The following PGBD2 variants were observed in gnomAD, a reference collection of about 807,000 sequenced individuals.
PGBD2 encodes piggyBac transposable element-derived protein 2.
Under a neutral mutation model 8.1 loss-of-function variants are expected in PGBD2, and 6 were observed. The ratio of observed to expected loss-of-function variants is 0.74; its 90% CI spans 0.40 to 1.46. The LOEUF (loss-of-function observed/expected upper bound fraction) is 1.46, where lower values mean the gene tolerates loss of function less well. Ranked by LOEUF, PGBD2 falls within the 40% of genes most tolerant of loss-of-function variation. The pLI, the probability that PGBD2 is intolerant of heterozygous loss-of-function variation, is 0.02. For missense variants in PGBD2, 802 were observed against 739.0 expected (o/e 1.09, Z -0.99); for synonymous variants, 318 against 272.2 (o/e 1.17, Z -1.66).
chr1:248,920,156 T>A (rs1340289449), downstream of PGBD2, among the ~76,000 whole-genome samples: 1 of 152,092 alleles, frequency 6.6e-6, no homozygotes, highest in Non-Finnish European at 1.5e-5. Flanking sequence ...CTTTTTTTTT[T>A]CTTAATTATA....
At chr1:248,929,149 T>C in the PGBD2 span, among the ~76,000 whole-genome samples, 3 of 152,254 alleles carry the variant, frequency 2.0e-5, no homozygotes, top group Non-Finnish European at 4.4e-5. Flanking sequence ...CTATGCTATA[T>C]GTGCCTCTGG....
chr1:248,873,522 T>G, the PGBD2 span, among the ~76,000 whole-genome samples: 32 of 152,348 alleles, frequency 2.1e-4, no homozygotes, highest in East Asian at 6.2e-3. Flanking sequence ...AGTAACTGCT[T>G]GCCAGAGTTT....
chr1:248,929,119 G>A, the PGBD2 span, among the ~76,000 whole-genome samples: 2 of 152,086 alleles, frequency 1.3e-5, no homozygotes, highest in African/African-American at 4.8e-5. Flanking sequence ...TTAATATAAG[G>A]GAGAAATGTT....
the PGBD2 span, among the ~76,000 whole-genome samples, chr1:248,925,621 CAG>C: frequency 6.8e-6 from 1 of 146,198 alleles, no homozygotes; most frequent in African/African-American, 2.6e-5. Flanking sequence ...AATAAGTTCA[CAG>C]AGGCCAAAGT....
At chr1:248,924,523 A>G (rs189186740), downstream of PGBD2, among the ~76,000 whole-genome samples, 36 of 152,298 alleles carry the variant, frequency 2.4e-4, no homozygotes, top group African/African-American at 7.5e-4. Context: ...AATCACTAAA[A>G]GATAGAAAAA....
chr1:248,909,128 T>C (rs1453090741), intron 1 of PGBD2, among the ~76,000 whole-genome samples: 1 of 152,098 alleles, frequency 6.6e-6, no homozygotes, highest in East Asian at 1.9e-4. Context: ...CCTTTGTGAG[T>C]TTGCTTGGTA....
chr1:248,927,408 T>A, the PGBD2 span, among the ~76,000 whole-genome samples: 3 of 152,196 alleles, frequency 2.0e-5, no homozygotes, highest in Admixed American at 6.5e-5. Context: ...GGTAGAGTTG[T>A]GATTCTATGC....
In PGBD2 at chr1:248,917,102, G is replaced by A. The variant is rs1377254371; in HGVS notation, c.518G>A (p.Ser173Asn). The change falls in exon 3 of 3, where the codon AGT (serine) becomes AAT (asparagine). Residue 173 changes from serine to asparagine, a missense_variant. By Grantham distance (46) the Ser-to-Asn change is conservative. Coordinates refer to ENST00000329291, the MANE Select transcript of PGBD2 (RefSeq NM_170725.3). ...GCTTGGCAGAAAAATGTCAATTTGA[G>A]TCTTACGGCTCAGGAATTGAAGTGT... ...RYAWQKNVNL[S>N]LTAQELKCVL... 1.2e-6 allele frequency: 2 copies of A among 1,614,034 alleles called. No homozygotes were observed. Among genetic ancestry groups the A allele is most frequent in the Non-Finnish European group, 1.7e-6 (2 of 1,180,010 alleles).
intron 1 of PGBD2, among the ~76,000 whole-genome samples, chr1:248,910,390 G>A (rs1425873205): frequency 6.6e-6 from 1 of 152,184 alleles, no homozygotes; most frequent in East Asian, 1.9e-4. Flanking sequence ...TGGGAATCCA[G>A]GCCTGTTGTG....
At chr1:248,892,382 C>T in the PGBD2 span, among the ~76,000 whole-genome samples, 14 of 151,124 alleles carry the variant, frequency 9.3e-5, no homozygotes, top group Admixed American at 2.0e-4. Flanking sequence ...GACGATGTAA[C>T]GGTCATAGAG....
chr1:248,906,707 G>T (rs1197384295), intron 1 of PGBD2, among the ~76,000 whole-genome samples: 2 of 151,346 alleles, frequency 1.3e-5, no homozygotes, highest in Non-Finnish European at 3.0e-5. Context: ...TGAGGCTGGC[G>T]GCGGGACTGC....
At chr1:248,916,108 C>G (rs1441010882) in intron 2 of PGBD2, among the ~76,000 whole-genome samples, 1 of 152,210 alleles carries the variant, frequency 6.6e-6, no homozygotes, top group African/African-American at 2.4e-5. Context: ...TAAAATACTT[C>G]TGCACTTAAA....
Position 248,917,116 on chromosome 1 carries a change from G to A in PGBD2, c.532G>A (p.Glu178Lys), listed in dbSNP as rs781504080. The A allele has an allele frequency of 6.2e-7, 1 of 1,614,074 alleles. No individual in the cohort carries two copies. Among genetic ancestry groups the A allele is most frequent in the Non-Finnish European group, 8.5e-7 (1 of 1,180,026 alleles). ...TGTCAATTTGAGTCTTACGGCTCAG[G>A]AATTGAAGTGTGTTTTGGGCATTTT... ...KNVNLSLTAQ[E>K]LKCVLGILIL... The change falls in exon 3 of 3, where the codon GAA (glutamate) becomes AAA (lysine). Residue 178 changes from glutamate (E) to lysine (K), a missense_variant. Glu to Lys is a moderately conservative substitution (Grantham distance 56, BLOSUM62 1). Coordinates refer to ENST00000329291, the MANE Select transcript of PGBD2 (RefSeq NM_170725.3).
chr1:248,906,966 G>C (rs566820689), intron 1 of PGBD2, among the ~76,000 whole-genome samples: 15 of 152,268 alleles, frequency 9.9e-5, no homozygotes, highest in Non-Finnish European at 1.9e-4. Context: ...TCAGGTGGGA[G>C]GAGAGACTGA....
intron 1 of PGBD2, among the ~76,000 whole-genome samples, chr1:248,909,178 G>A (rs995068282): frequency 6.6e-6 from 1 of 152,126 alleles, no homozygotes; most frequent in Non-Finnish European, 1.5e-5. Flanking sequence ...TCCTCTGTTG[G>A]TTGTCTCAGG....
chr1:248,909,021 A>G (rs1344749290), intron 1 of PGBD2, among the ~76,000 whole-genome samples: 3 of 152,160 alleles, frequency 2.0e-5, no homozygotes, highest in Non-Finnish European at 4.4e-5. Flanking sequence ...AATTTTATGC[A>G]TATATACCTG....
rs766081923 is a variant in PGBD2 at position 248,916,858 on chromosome 1, G to A, written c.274G>A (p.Asp92Asn). The A allele has an allele frequency of 1.2e-5, 20 of 1,613,886 alleles. No homozygotes were observed. The highest frequency in any genetic ancestry group is 2.2e-5 in the East Asian group (1 of 44,884). Residue 92 changes from aspartate to asparagine, a missense_variant, in exon 3 of 3, where the codon GAC (aspartate) becomes AAC (asparagine). Transcript: ENST00000329291. ...CTCTGGCACCGGGGAGGATAATGAC[G>A]ACCTGGAGCTGCAGCCAGCCAAGAA... ...EDSGTGEDND[D>N]LELQPAKKRQ...
At chr1:248,924,116 G>A (rs1025000772), downstream of PGBD2, among the ~76,000 whole-genome samples, 2 of 152,238 alleles carry the variant, frequency 1.3e-5, no homozygotes, top group Non-Finnish European at 2.9e-5. Flanking sequence ...GGCCCCTATA[G>A]CGTGGGAGCA....
At chr1:248,895,845 G>A in the PGBD2 span, among the ~76,000 whole-genome samples, 3 of 151,732 alleles carry the variant, frequency 2.0e-5, no homozygotes, top group South Asian at 6.3e-4. Context: ...GTGCCACCAC[G>A]CCCAGCTAAT....
Sources: allele counts gnomAD v4.1 joint callset (sites outside exome capture counted in the v4.1 genomes callset), GRCh38; gene constraint gnomAD v4.1.1; transcripts MANE v1.5; gene names NCBI Gene and HGNC (gene_info 2026-07-23, HGNC 2026-07-21).